Variants in VRK2 observed in about 807,000 individuals in gnomAD.
VRK2 encodes serine/threonine-protein kinase VRK2.
Under a neutral mutation model 57.6 loss-of-function variants are expected in VRK2, and 60 were observed. The observed-to-expected ratio is 1.04, with a 90% CI of 0.85 to 1.29. The LOEUF (loss-of-function observed/expected upper bound fraction) is 1.29, where lower values mean the gene tolerates loss of function less well. Ranked by LOEUF, VRK2 falls within the 50% of genes most tolerant of loss-of-function variation. The probability of loss-of-function intolerance (pLI) is 0.00; values close to 1 mark genes in which losing one functional copy is unlikely to be tolerated. For missense variants in VRK2, 705 were observed against 588.1 expected (o/e 1.20, Z -2.06); for synonymous variants, 231 against 199.2 (o/e 1.16, Z -1.35).
intron 1 of VRK2, among the ~76,000 whole-genome samples, chr2:57,983,008 C>G (rs1483148569): frequency 6.6e-6 from 1 of 152,204 alleles, no homozygotes; most frequent in African/African-American, 2.4e-5. Flanking sequence ...TTACTTCATT[C>G]ACCCCTTCCC....
intron 12 of VRK2, among the ~76,000 whole-genome samples, chr2:58,156,352 T>G (rs1010083740): frequency 5.3e-5 from 8 of 152,188 alleles, no homozygotes; most frequent in Non-Finnish European, 1.0e-4. Flanking sequence ...CTTTTGTTTA[T>G]TGTGCTTTGG....
chr2:58,045,453 A>G (rs1217753898), upstream of VRK2, among the ~76,000 whole-genome samples: 1 of 152,218 alleles, frequency 6.6e-6, no homozygotes, highest in Non-Finnish European at 1.5e-5. Context: ...AGAGTACCCA[A>G]TATGGATATT....
At chr2:58,094,803 T>C (rs1435288538) in intron 7 of VRK2, among the ~76,000 whole-genome samples, 1 of 152,214 alleles carries the variant, frequency 6.6e-6, no homozygotes, top group Non-Finnish European at 1.5e-5. Flanking sequence ...GTTTTATTTC[T>C]GTACTTTCTG....
At chr2:57,916,714 T>C (rs1670166679) in intron 1 of VRK2, among the ~76,000 whole-genome samples, 1 of 152,140 alleles carries the variant, frequency 6.6e-6, no homozygotes, top group South Asian at 2.1e-4. Flanking sequence ...AGCTCATAAA[T>C]AAGACAGCTT....
intron 1 of VRK2, among the ~76,000 whole-genome samples, chr2:57,934,971 G>T (rs1670858229): frequency 6.6e-6 from 1 of 151,946 alleles, no homozygotes; most frequent in African/African-American, 2.4e-5. Context: ...TTCATGTATT[G>T]CTTTTCTGAT....
At chr2:58,062,160 T>G (rs1677444962) in intron 2 of VRK2, among the ~76,000 whole-genome samples, 1 of 152,032 alleles carries the variant, frequency 6.6e-6, no homozygotes, top group African/African-American at 2.4e-5. Flanking sequence ...GTTACGGTGA[T>G]CTGTGATCAG....
chr2:58,157,603 T>C (rs1033051143), intron 12 of VRK2, among the ~76,000 whole-genome samples: 54 of 152,196 alleles, frequency 3.5e-4, no homozygotes, highest in African/African-American at 1.2e-3. Flanking sequence ...ACCAGCTGTA[T>C]TGGCATCATC....
chr2:57,930,007 G>A (rs925610923), intron 1 of VRK2, among the ~76,000 whole-genome samples: 3 of 152,030 alleles, frequency 2.0e-5, no homozygotes, highest in Non-Finnish European at 2.9e-5. Context: ...TCCCAGAGCT[G>A]TGAGCTGCAC....
At chr2:58,023,001 T>C (rs115157789) in intron 1 of VRK2, among the ~76,000 whole-genome samples, 10 of 152,374 alleles carry the variant, frequency 6.6e-5, no homozygotes, top group Non-Finnish European at 1.0e-4. Context: ...GTTAGCATTT[T>C]AACCATTTCA....
At chr2:57,926,675 G>C (rs1197545942) in intron 1 of VRK2, among the ~76,000 whole-genome samples, 1 of 151,270 alleles carries the variant, frequency 6.6e-6, no homozygotes, top group South Asian at 2.1e-4. Flanking sequence ...CTCCTGCTCT[G>C]TTTTGGTTTC....
intron 3 of VRK2, among the ~76,000 whole-genome samples, chr2:58,035,496 A>C (rs538842710): frequency 1.2e-4 from 18 of 152,196 alleles, no homozygotes; most frequent in African/African-American, 4.3e-4. Context: ...CAGATTGTCC[A>C]GATAGTTTCA....
intron 1 of VRK2, among the ~76,000 whole-genome samples, chr2:57,941,190 C>T (rs529005556): frequency 1.0e-3 from 152 of 152,256 alleles, no homozygotes; most frequent in African/African-American, 3.3e-3. Context: ...GAAATATGTC[C>T]TCTAAACTAA....
At chr2:57,959,813 G>A (rs1355104647) in intron 1 of VRK2, among the ~76,000 whole-genome samples, 1 of 152,098 alleles carries the variant, frequency 6.6e-6, no homozygotes, top group Non-Finnish European at 1.5e-5. Flanking sequence ...CCCCTTTAAT[G>A]CTGTTTCAGT....
chr2:57,914,955 T>C (rs929744340), intron 1 of VRK2, among the ~76,000 whole-genome samples: 2 of 152,146 alleles, frequency 1.3e-5, no homozygotes, highest in African/African-American at 4.8e-5. Context: ...GCTGCAGCTG[T>C]AGTTGTGATG....
intron 1 of VRK2, among the ~76,000 whole-genome samples, chr2:57,909,841 G>C (rs1052606906): frequency 2.0e-5 from 3 of 151,880 alleles, no homozygotes; most frequent in African/African-American, 7.3e-5. Flanking sequence ...TTAAATTATT[G>C]ACCTGCTGAA....
At chr2:58,118,477 G>A (rs1326241588) in intron 7 of VRK2, among the ~76,000 whole-genome samples, 2 of 152,212 alleles carry the variant, frequency 1.3e-5, no homozygotes, top group Admixed American at 6.5e-5. Context: ...GAAGTGTGGT[G>A]CCAAGATTGA....
At chr2:57,991,068 A>C (rs1672751592) in intron 1 of VRK2, among the ~76,000 whole-genome samples, 2 of 152,182 alleles carry the variant, frequency 1.3e-5, no homozygotes, top group South Asian at 4.1e-4. Flanking sequence ...AAACAAAAAA[A>C]AAACTTTAAT....
intron 7 of VRK2, among the ~76,000 whole-genome samples, chr2:58,095,058 G>A (rs1672936335): frequency 2.0e-5 from 3 of 152,178 alleles, no homozygotes; most frequent in South Asian, 2.1e-4. Context: ...CACTTTGGGA[G>A]GCTGAGGCAG....
At chr2:57,994,803 T>C (rs976152866) in intron 1 of VRK2, among the ~76,000 whole-genome samples, 7 of 152,218 alleles carry the variant, frequency 4.6e-5, no homozygotes, top group African/African-American at 1.7e-4. Flanking sequence ...ACTCATTATA[T>C]GTTAACATAA....
Sources: allele counts gnomAD v4.1 joint callset (sites outside exome capture counted in the v4.1 genomes callset), GRCh38; gene constraint gnomAD v4.1.1; transcripts MANE v1.5; gene names NCBI Gene and HGNC (gene_info 2026-07-23, HGNC 2026-07-21).